The following CTPS2 variants were observed in gnomAD, a reference collection of about 807,000 sequenced individuals.
CTPS2 encodes CTP synthase II.
Under a neutral mutation model 46.8 loss-of-function variants are expected in CTPS2, and 19 were observed. That is an observed-to-expected ratio of 0.41 (90% CI 0.28 to 0.60). The LOEUF is 0.60. Ranked by LOEUF, CTPS2 falls within the 20% of genes least tolerant of loss-of-function variation. The pLI, the probability that CTPS2 is intolerant of heterozygous loss-of-function variation, is 0.35. For synonymous variants in CTPS2, 151 were observed against 165.2 expected (o/e 0.91, Z 0.66); for missense variants, 286 against 447.6 (o/e 0.64, Z 3.26).
intron 4 of CTPS2, among the ~76,000 whole-genome samples, chrX:16,694,763 G>A (rs1923984635): frequency 8.9e-6 from 1 of 112,600 alleles, no homozygotes; most frequent in Non-Finnish European, 1.9e-5. Flanking sequence ...ACTTTGGGAG[G>A]CAGGTGTATC....
chrX:16,593,533 C>A, intron 17 of CTPS2, among the ~76,000 whole-genome samples: 1 of 101,052 alleles, frequency 9.9e-6, no homozygotes. Flanking sequence ...TGCTGATAGA[C>A]TAGAAAAGGA....
intron 9 of CTPS2, among the ~76,000 whole-genome samples, chrX:16,679,194 C>T (rs1922534191): frequency 9.1e-6 from 1 of 109,994 alleles, no homozygotes; most frequent in South Asian, 3.9e-4. Context: ...CCCGTCTCTA[C>T]TAAAAATATA....
rs779496031 is a variant in CTPS2, at chrX:16,702,714, G to A, written c.166+23C>T. ...ATGCAGTTGAGCCTAGTGCTATAAGGGGGAAGTGGTTCACTTTCGTACCGT... is the reference window on the plus strand; with the variant it reads ...ATGCAGTTGAGCCTAGTGCTATAAGAGGGAAGTGGTTCACTTTCGTACCGT... On this transcript the variant is annotated intron_variant, in intron 2 of 18. Transcript: ENST00000359276. 10 of 1,193,084 alleles carry A rather than the reference G, an allele frequency of 8.4e-6. No individual in the cohort carries two copies. The African/African-American group carries it at 1.8e-4, about 21-fold the overall frequency.
rs548557237 is a variant in CTPS2 at position 16,593,982 on chromosome X, T to C, written c.1692-3120A>G. Among the ~76,000 whole-genome samples, 37 of 111,514 alleles carry C rather than the reference T, an allele frequency of 3.3e-4. No individual in the cohort carries two copies. In the South Asian group the frequency reaches 0.012, roughly 38 times the overall value. ...CTTCCTCGTTCTATGCAACATTTTG[T>C]GTCATAGAATTAGCCAAGAAAGGGG... On this transcript the variant is annotated intron_variant, in intron 17 of 18. Coordinates refer to ENST00000359276, the MANE Select transcript of CTPS2 (RefSeq NM_175859.3).
intron 7 of CTPS2, among the ~76,000 whole-genome samples, chrX:16,691,101 G>A (rs1923658074): frequency 8.9e-6 from 1 of 112,484 alleles, no homozygotes; most frequent in African/African-American, 3.2e-5. Flanking sequence ...CGGATCATCT[G>A]AGGTCAGGAG....
At position 16,634,714 on chromosome X, in the gene CTPS2, C is replaced by T. The variant is rs1055187069; in HGVS notation, c.1393+4433G>A. On this transcript the variant is annotated intron_variant, in intron 14 of 18. Transcript: ENST00000359276. ...CCATAATCCCAGCACCTTGGGAGGC[C>T]GAGGCAGGAGGATCACCCTAAGTCA... 8.1e-5 allele frequency among the ~76,000 whole-genome samples: 9 copies of T among 111,771 alleles called. No homozygotes were observed. In the East Asian group the frequency reaches 8.4e-4, roughly 10 times the overall value.
chrX:16,661,993 C>CATATATATATATATATATAT (rs5901592), intron 13 of CTPS2, among the ~76,000 whole-genome samples: 10 of 85,344 alleles, frequency 1.2e-4, no homozygotes, highest in African/African-American at 4.1e-4. Context: ...ATTGTTCATT[C>CATATATATATATATATATAT]ATATATATAT....
At chrX:16,698,366 T>C in intron 3 of CTPS2, 30 bp from the exon 4 acceptor site, 1 of 1,011,462 alleles carries the variant, frequency 9.9e-7, no homozygotes, top group Non-Finnish European at 1.4e-6. Flanking sequence ...TACAAAAGTT[T>C]ATTCCATGCT....
chrX:16,594,663 A>G (rs1360763715), intron 17 of CTPS2, among the ~76,000 whole-genome samples: 1 of 111,821 alleles, frequency 8.9e-6, no homozygotes, highest in Non-Finnish European at 1.9e-5. Context: ...AACAGCTCTC[A>G]TTTCCTATCT....
At position 16,698,278 on chromosome X, in the gene CTPS2, C is replaced by T. The variant is rs770006408; in HGVS notation, c.396G>A (p.Pro132=). The T allele has an allele frequency of 2.2e-5, 27 of 1,206,334 alleles. No homozygotes were observed. Among genetic ancestry groups the T allele is most frequent in the African/African-American group, 7.0e-5 (4 of 56,973 alleles). The change falls in exon 4 of 19, where the codon CCG becomes CCA. Residue 132 remains proline, a synonymous_variant. Coordinates refer to ENST00000359276, the MANE Select transcript of CTPS2 (RefSeq NM_175859.3). ...GGGGCTCTTCCTTATTACCATCCACCGGCACCTTGGCTTGATTCATAACCC... is the reference window on the plus strand; with the variant it reads ...GGGGCTCTTCCTTATTACCATCCACTGGCACCTTGGCTTGATTCATAACCC... The part of the protein sequence containing the change: ...QEWVMNQAKV[P]VDGNKEEPQI...
intron 14 of CTPS2, among the ~76,000 whole-genome samples, chrX:16,627,886 T>C (rs1212763822): frequency 8.9e-6 from 1 of 111,793 alleles, no homozygotes; most frequent in Non-Finnish European, 1.9e-5. Flanking sequence ...GGGAGCTGTT[T>C]GGGTTTTTCT....
rs190665512 is a variant in CTPS2, at chrX:16,603,995, G to T, written c.1691+5546C>A. On this transcript the variant is annotated intron_variant, in intron 17 of 18. Coordinates refer to ENST00000359276, the MANE Select transcript of CTPS2 (RefSeq NM_175859.3). ...CACACAAAGGAAAGAGGAAACGGAA[G>T]GAACTGGCTTCAGGTGTGTACTTCC... 1.6e-4 allele frequency among the ~76,000 whole-genome samples: 18 copies of T among 111,431 alleles called. No individual in the cohort carries two copies. In the East Asian group the frequency reaches 4.5e-3, roughly 28 times the overall value.
chrX:16,679,382 TA>T (rs1035620211), intron 9 of CTPS2, among the ~76,000 whole-genome samples: 3 of 103,251 alleles, frequency 2.9e-5, no homozygotes, highest in Admixed American at 1.0e-4. Flanking sequence ...TAAAAATAAA[TA>T]AAAAAAAAAG....
Position 16,613,484 on chromosome X carries a change from G to A in CTPS2, c.1546+3666C>T, listed in dbSNP as rs144218285. Among the ~76,000 whole-genome samples the A allele has an allele frequency of 9.9e-3, 1,110 of 111,658 alleles. 12 individuals carry two copies. The highest frequency in any genetic ancestry group is 0.023 in the Middle Eastern group (5 of 218). On this transcript the variant is annotated intron_variant, in intron 16 of 18. Coordinates refer to ENST00000359276, the MANE Select transcript of CTPS2 (RefSeq NM_175859.3). Reference sequence around the variant, plus strand: ...TTCTTTCCAGAGGCAGAATCTGCAGGACTTGACAACACACTGCTAGTTGGG... The same window carrying A: ...TTCTTTCCAGAGGCAGAATCTGCAGAACTTGACAACACACTGCTAGTTGGG...
At chrX:16,671,996 T>C (rs1417848230) in intron 10 of CTPS2, among the ~76,000 whole-genome samples, 1 of 110,701 alleles carries the variant, frequency 9.0e-6, no homozygotes, top group African/African-American at 3.3e-5. Flanking sequence ...CAGAGAGAGT[T>C]AAAGGCTCCT....
chrX:16,593,860 T>G (rs1346179752), intron 17 of CTPS2, among the ~76,000 whole-genome samples: 2 of 109,290 alleles, frequency 1.8e-5, no homozygotes, highest in Non-Finnish European at 3.8e-5. Flanking sequence ...TACTGGTACA[T>G]AGGAATAACT....
In CTPS2 at chrX:16,689,604, A is replaced by T; in HGVS notation, c.721-3T>A. 8.4e-6 allele frequency: 10 copies of T among 1,196,445 alleles called. No homozygotes were observed. Among genetic ancestry groups the T allele is most frequent in the Non-Finnish European group, 1.1e-5 (10 of 886,877 alleles). ...GAAACATCATGGATACATATGACCT[A>T]AGTGGCGATGAGAAATCACCATACT... On this transcript the variant is annotated splice_polypyrimidine_tract_variant and splice_region_variant and intron_variant, in intron 7 of 18. Coordinates refer to ENST00000359276, the MANE Select transcript of CTPS2 (RefSeq NM_175859.3).
intron 9 of CTPS2, 22 bp downstream of exon 9, chrX:16,683,072 A>G (rs1388424311): frequency 2.5e-6 from 3 of 1,209,395 alleles, no homozygotes; most frequent in Non-Finnish European, 3.4e-6. Context: ...TGAGATAGCC[A>G]AAAGACCAGG....
At chrX:16,684,106 A>G (rs1389753788) in intron 8 of CTPS2, among the ~76,000 whole-genome samples, 1 of 112,007 alleles carries the variant, frequency 8.9e-6, no homozygotes, top group African/African-American at 3.2e-5. Context: ...AGGTACGTGG[A>G]AATGTCATCT....
Sources: allele counts gnomAD v4.1 joint callset (sites outside exome capture counted in the v4.1 genomes callset), GRCh38; gene constraint gnomAD v4.1.1; transcripts MANE v1.5; gene names NCBI Gene and HGNC (gene_info 2026-07-23, HGNC 2026-07-21).